The following ANXA8 variants were observed in gnomAD, a reference collection of about 807,000 sequenced individuals.
The protein encoded by ANXA8 is annexin A8.
In ANXA8, 9 loss-of-function variants were observed where a neutral mutation model predicts 26.8. That is an observed-to-expected ratio of 0.34 (90% CI 0.20 to 0.59). The LOEUF (loss-of-function observed/expected upper bound fraction) is 0.59, where lower values mean the gene tolerates loss of function less well. Among genes scored for constraint, ANXA8 ranks in the 20% least tolerant of loss-of-function variants. The probability of loss-of-function intolerance (pLI) is 0.84; values close to 1 mark genes in which losing one functional copy is unlikely to be tolerated. For missense variants in ANXA8, 83 were observed against 238.5 expected (o/e 0.35, Z 4.29); for synonymous variants, 39 against 94.8 (o/e 0.41, Z 3.42).
the ANXA8 span, among the ~76,000 whole-genome samples, chr10:47,768,449 C>T: frequency 2.6e-5 from 4 of 151,332 alleles, no homozygotes; most frequent in South Asian, 2.1e-4. Context: ...CAGACTAAGA[C>T]GCAGATTTCC....
chr10:47,697,212 CT>C, the ANXA8 span, among the ~76,000 whole-genome samples: 17 of 152,338 alleles, frequency 1.1e-4, no homozygotes, highest in African/African-American at 3.6e-4. Context: ...TACTTCCAGT[CT>C]TTGTCTTTAG....
intron 1 of ANXA8, 50 bp downstream of exon 1, chr10:47,483,863 A>G: frequency 6.2e-7 from 1 of 1,611,594 alleles, no homozygotes. Context: ...CCTGGTGACC[A>G]GCACCCAACA....
the ANXA8 span, chr10:47,510,068 G>A: frequency 6.7e-7 from 1 of 1,489,320 alleles, no homozygotes; most frequent in South Asian, 1.2e-5. Flanking sequence ...TCAATATATG[G>A]TTGACTCCAA....
At chr10:47,693,466 A>AT in the ANXA8 span, among the ~76,000 whole-genome samples, 1 of 150,384 alleles carries the variant, frequency 6.6e-6, no homozygotes, top group African/African-American at 2.5e-5. Flanking sequence ...ATTTTTTTGT[A>AT]TTTTTAGTAG....
At chr10:47,985,142 G>A in the ANXA8 span, among the ~76,000 whole-genome samples, 1 of 149,618 alleles carries the variant, frequency 6.7e-6, no homozygotes, top group Non-Finnish European at 1.5e-5. Flanking sequence ...AAAAAAATCT[G>A]ATAAGAAATT....
chr10:47,951,548 G>A, the ANXA8 span, among the ~76,000 whole-genome samples: 6 of 150,750 alleles, frequency 4.0e-5, no homozygotes, highest in South Asian at 2.1e-4. Flanking sequence ...CCATGCTCAC[G>A]CCTGTAATCC....
chr10:47,639,776 CCTTTT>C, the ANXA8 span, among the ~76,000 whole-genome samples: 2 of 146,544 alleles, frequency 1.4e-5, no homozygotes. Flanking sequence ...GATAATAAGT[CCTTTT>C]CTTTTTCTTT....
chr10:47,627,671 C>G, the ANXA8 span, among the ~76,000 whole-genome samples: 1 of 150,118 alleles, frequency 6.7e-6, no homozygotes, highest in South Asian at 2.1e-4. Flanking sequence ...AAAATTCCCT[C>G]ATCTATAAAT....
chr10:47,554,737 A>G, the ANXA8 span, among the ~76,000 whole-genome samples: 50 of 148,580 alleles, frequency 3.4e-4, no homozygotes, highest in East Asian at 6.3e-3. Context: ...CCTTGTTATC[A>G]CCCCCAGCAG....
the ANXA8 span, among the ~76,000 whole-genome samples, chr10:47,566,555 C>A: frequency 6.7e-6 from 1 of 148,776 alleles, no homozygotes; most frequent in Non-Finnish European, 1.5e-5. Flanking sequence ...CAGCTCTAGG[C>A]ACCAAATCTT....
the ANXA8 span, among the ~76,000 whole-genome samples, chr10:47,552,968 G>A: frequency 6.6e-6 from 1 of 151,856 alleles, no homozygotes; most frequent in Non-Finnish European, 1.5e-5. Flanking sequence ...TGAGTCAGAG[G>A]CTTCTCACAG....
At chr10:47,733,206 TTTC>T in the ANXA8 span, among the ~76,000 whole-genome samples, 10 of 91,288 alleles carry the variant, frequency 1.1e-4, no homozygotes, top group South Asian at 8.1e-4. Flanking sequence ...TCTTTCTTTC[TTTC>T]TTTCTTTCTT....
the ANXA8 span, among the ~76,000 whole-genome samples, chr10:47,585,119 C>CAGGCATGG: frequency 7.0e-6 from 1 of 143,456 alleles, no homozygotes; most frequent in Non-Finnish European, 1.5e-5. Flanking sequence ...AAAAATTAGC[C>CAGGCATGG]AGGCATGGTG....
the ANXA8 span, among the ~76,000 whole-genome samples, chr10:47,681,353 A>G: frequency 6.6e-6 from 1 of 151,100 alleles, no homozygotes; most frequent in African/African-American, 2.4e-5. Context: ...CGTAAGTAGC[A>G]AAGTTCTTTT....
At chr10:47,595,891 T>C in the ANXA8 span, among the ~76,000 whole-genome samples, 1 of 148,316 alleles carries the variant, frequency 6.7e-6, no homozygotes, top group Non-Finnish European at 1.5e-5. Context: ...TGGACTTAAA[T>C]TTGCCACTTG....
chr10:47,561,678 A>G, the ANXA8 span, among the ~76,000 whole-genome samples: 1 of 151,888 alleles, frequency 6.6e-6, no homozygotes, highest in Admixed American at 6.6e-5. Context: ...ATATTAATTC[A>G]GCATGTATTT....
At chr10:47,676,113 A>G in the ANXA8 span, among the ~76,000 whole-genome samples, 46 of 151,752 alleles carry the variant, frequency 3.0e-4, 1 homozygote, top group African/African-American at 1.1e-3. Context: ...GAATCAGTGA[A>G]TATGAAGACA....
At chr10:47,699,364 A>AAAAAG in the ANXA8 span, among the ~76,000 whole-genome samples, 1 of 148,072 alleles carries the variant, frequency 6.8e-6, no homozygotes, top group African/African-American at 2.5e-5. Flanking sequence ...AAAAAAAAAA[A>AAAAAG]AAAGAAAGAA....
chr10:47,640,037 C>T, the ANXA8 span, among the ~76,000 whole-genome samples: 3 of 144,360 alleles, frequency 2.1e-5, no homozygotes, highest in Admixed American at 2.0e-4. Flanking sequence ...CACCATCCTC[C>T]TCCCTCATCA....
Sources: allele counts gnomAD v4.1 joint callset (sites outside exome capture counted in the v4.1 genomes callset), GRCh38; gene constraint gnomAD v4.1.1; transcripts MANE v1.5; gene names NCBI Gene and HGNC (gene_info 2026-07-23, HGNC 2026-07-21).